The following ST3GAL4 variants were observed in gnomAD, a reference collection of about 807,000 sequenced individuals.
The protein encoded by ST3GAL4 is ST3 beta-galactoside alpha-2,3-sialyltransferase 4.
In ST3GAL4, 24 loss-of-function variants were observed where a neutral mutation model predicts 42.6. The observed-to-expected ratio is 0.56, with a 90% CI of 0.41 to 0.79. The LOEUF is 0.79. ST3GAL4 is among the 30% of genes least tolerant of loss of function. The pLI, the probability that ST3GAL4 is intolerant of heterozygous loss-of-function variation, is 0.00. For synonymous variants in ST3GAL4, 135 were observed against 163.2 expected, an observed-to-expected ratio of 0.83 and a Z score of 1.32; for missense variants, 311 against 430.8, an observed-to-expected ratio of 0.72 and a Z score of 2.46.
At chr11:126,407,463 G>C (rs1954291580) in intron 5 of ST3GAL4, 111 bp from the exon 6 acceptor site, 1 of 1,555,272 alleles carries the variant, frequency 6.4e-7, no homozygotes, top group African/African-American at 1.4e-5. Flanking sequence ...CGGGTACCAG[G>C]GTCAGGGGAA....
chr11:126,392,483 C>CA lies in ST3GAL4; in HGVS notation c.-60-13612dup, dbSNP rs1237366030. On this transcript the variant is annotated intron_variant, in intron 1 of 10. Coordinates refer to ENST00000444328, the MANE Select transcript of ST3GAL4 (RefSeq NM_001254757.2). This position sits in a 1 kb window ranked among gnomAD's most constrained non-coding sequence, Gnocchi z 5.8. ...TTGGCAGAAAGTGCGCTGGCTCTGCCAGCTCCCAGTGTGAGCTTCTAGCAA... is the reference window on the plus strand; with the variant it reads ...TTGGCAGAAAGTGCGCTGGCTCTGCCAAGCTCCCAGTGTGAGCTTCTAGCAA... 1 of 543,624 alleles carries CA rather than the reference C, an allele frequency of 1.8e-6. No individual in the cohort carries two copies. The highest frequency in any genetic ancestry group is 2.3e-6 in the Non-Finnish European group (1 of 426,168). The allele number at this position is 543,624 out of a possible 1,614,324, so 33.7% of individuals were successfully genotyped here.
rs781738277 is a variant in ST3GAL4, at chr11:126,406,196, C to A, written c.16+25C>A. The A allele has an allele frequency of 1.6e-5, 25 of 1,556,780 alleles. No homozygotes were observed. In the East Asian group the frequency reaches 4.4e-4, roughly 27 times the overall value. On this transcript the variant is annotated intron_variant, in intron 2 of 10. Coordinates refer to ENST00000444328, the MANE Select transcript of ST3GAL4 (RefSeq NM_001254757.2). The surrounding 1 kb of genome is among the most constrained non-coding windows in gnomAD (Gnocchi z 5.4). ...CGTGAGTGTCATCCGAGGGCTCCCC[C>A]ACCCTGGAGGACAGGCCTCAGAAGC...
At chr11:126,395,040 C>T (rs953891593) in intron 1 of ST3GAL4, among the ~76,000 whole-genome samples, 15 of 151,990 alleles carry the variant, frequency 9.9e-5, no homozygotes, top group Admixed American at 3.3e-4. Flanking sequence ...GAAGCCTCCC[C>T]GTGCCCAGGC....
chr11:126,407,602 C>T lies in ST3GAL4; in HGVS notation c.309C>T (p.Ile103=). The T allele has an allele frequency of 6.2e-7, 1 of 1,614,192 alleles. No individual in the cohort carries two copies. The highest frequency in any genetic ancestry group is 8.5e-7 in the Non-Finnish European group (1 of 1,180,032). ...SEDLLLRVLA[I]TSSSIPKNIQ... Reference sequence around the variant, plus strand: ...ATCTGCTCCTCCGGGTGCTAGCCATCACCAGCTCCTCCATCCCCAAGAACA... The same window carrying T: ...ATCTGCTCCTCCGGGTGCTAGCCATTACCAGCTCCTCCATCCCCAAGAACA... Residue 103 remains isoleucine, a synonymous_variant, in exon 6 of 11, where the codon ATC becomes ATT. Transcript: ENST00000444328.
rs189958856 is a variant in ST3GAL4, at chr11:126,379,482, T to G, written c.-61+23640T>G. On this transcript the variant is annotated intron_variant, in intron 1 of 10. Coordinates refer to ENST00000444328, the MANE Select transcript of ST3GAL4 (RefSeq NM_001254757.2). This position sits in a 1 kb window ranked among gnomAD's most constrained non-coding sequence, Gnocchi z 4.2. ...ATCCTTAATTTTGTTTTTATATTATTATTATTATTATTGAGACGGAGTTTC... is the reference window on the plus strand; with the variant it reads ...ATCCTTAATTTTGTTTTTATATTATGATTATTATTATTGAGACGGAGTTTC... Among the ~76,000 whole-genome samples, 1 of 152,130 alleles carries G rather than the reference T, an allele frequency of 6.6e-6. No homozygotes were observed. The highest frequency in any genetic ancestry group is 1.5e-5 in the Non-Finnish European group (1 of 68,028).
chr11:126,394,264 A>G (rs1469486236), intron 1 of ST3GAL4, among the ~76,000 whole-genome samples: 1 of 152,082 alleles, frequency 6.6e-6, no homozygotes, highest in Non-Finnish European at 1.5e-5. Context: ...GGAGCCCCTG[A>G]CCAGGACCTG....
rs10893503 is a variant in ST3GAL4, at chr11:126,393,020, A to G, written c.-60-13076A>G. ...CAGGGGGACGATCATAGCTTACTGC[A>G]GCCTCGATCTCCTGGACTCAGGGGG... On this transcript the variant is annotated intron_variant, in intron 1 of 10. Coordinates refer to ENST00000444328, the MANE Select transcript of ST3GAL4 (RefSeq NM_001254757.2). The surrounding 1 kb of genome is among the most constrained non-coding windows in gnomAD (Gnocchi z 5.9). Among the ~76,000 whole-genome samples, 81,341 of 148,676 alleles carry G rather than the reference A, an allele frequency of 0.55. 22,629 individuals are homozygous for G. The highest frequency in any genetic ancestry group is 0.67 in the African/African-American group (26,791 of 40,198).
chr11:126,401,787 A>T (rs1954006985), intron 1 of ST3GAL4, among the ~76,000 whole-genome samples: 1 of 152,130 alleles, frequency 6.6e-6, no homozygotes, highest in South Asian at 2.1e-4. Flanking sequence ...GAGCAATTTC[A>T]GAATAAAAAC....
intron 1 of ST3GAL4, among the ~76,000 whole-genome samples, chr11:126,371,163 C>CTTATTTTTTTT (rs1555082244): frequency 1.7e-5 from 1 of 59,964 alleles, no homozygotes; most frequent in Non-Finnish European, 3.0e-5. Flanking sequence ...CCCCACATTC[C>CTTATTTTTTTT]TTTTTTTTTT....
chr11:126,385,659 G>T (rs999635522), intron 1 of ST3GAL4, among the ~76,000 whole-genome samples: 31 of 152,124 alleles, frequency 2.0e-4, no homozygotes, highest in African/African-American at 6.0e-4. Flanking sequence ...CCATCAATTT[G>T]TTGAAAACTT....
Position 126,378,629 on chromosome 11 carries a change from G to A in ST3GAL4, c.-61+22787G>A, listed in dbSNP as rs1482333508. Among the ~76,000 whole-genome samples, 1 of 152,100 alleles carries A rather than the reference G, an allele frequency of 6.6e-6. No homozygotes were observed. Among genetic ancestry groups the A allele is most frequent in the Non-Finnish European group, 1.5e-5 (1 of 68,014 alleles). ...TCACCGTGTTAGCCAGGATGGTCTC[G>A]ATCTCCTGACCTCGTGATCCACCCT... On this transcript the variant is annotated intron_variant, in intron 1 of 10. Transcript: ENST00000444328. The surrounding 1 kb of genome is among the most constrained non-coding windows in gnomAD (Gnocchi z 5.3).
Position 126,376,476 on chromosome 11 carries a change from T to C in ST3GAL4, c.-61+20634T>C, listed in dbSNP as rs1465198498. 6.6e-6 allele frequency among the ~76,000 whole-genome samples: 1 copy of C among 152,256 alleles called. No individual in the cohort carries two copies. On this transcript the variant is annotated intron_variant, in intron 1 of 10. Coordinates refer to ENST00000444328, the MANE Select transcript of ST3GAL4 (RefSeq NM_001254757.2). The surrounding 1 kb of genome is among the most constrained non-coding windows in gnomAD (Gnocchi z 5.1). ...ACAAAATTGCTTTGTTTGGTTTACC[T>C]TGTTGGAAGTTTCCTAGTCACATAA...
intron 1 of ST3GAL4, 98 bp from the exon 2 acceptor site, chr11:126,405,998 G>T: frequency 1.4e-6 from 2 of 1,411,824 alleles, no homozygotes; most frequent in South Asian, 1.3e-5. Flanking sequence ...CCTGCTTTCT[G>T]GTGGAAGGGA....
chr11:126,404,243 T>A (rs1954133151), intron 1 of ST3GAL4, among the ~76,000 whole-genome samples: 6 of 152,200 alleles, frequency 3.9e-5, no homozygotes, highest in Admixed American at 3.3e-4. Context: ...GGGATGCCCA[T>A]GGGACTGATC....
chr11:126,368,907 C>T (rs532511020), intron 1 of ST3GAL4, among the ~76,000 whole-genome samples: 36 of 152,204 alleles, frequency 2.4e-4, no homozygotes, highest in Admixed American at 1.6e-3. Flanking sequence ...AAATTAGGAA[C>T]GGTAACACAC....
At position 126,383,896 on chromosome 11, in the gene ST3GAL4, C is replaced by A. The variant is rs1378453954; in HGVS notation, c.-60-22200C>A. Among the ~76,000 whole-genome samples, 2 of 152,152 alleles carry A rather than the reference C, an allele frequency of 1.3e-5. No individual in the cohort carries two copies. The highest frequency in any genetic ancestry group is 4.8e-5 in the African/African-American group (2 of 41,438). On this transcript the variant is annotated intron_variant, in intron 1 of 10. Coordinates refer to ENST00000444328, the MANE Select transcript of ST3GAL4 (RefSeq NM_001254757.2). This position sits in a 1 kb window ranked among gnomAD's most constrained non-coding sequence, Gnocchi z 4.5. ...GAGGGGGTGGGCTTCCTGCGGGGGACAAACTGGAGAGGGACTCTCTTGCCG... is the reference window on the plus strand; with the variant it reads ...GAGGGGGTGGGCTTCCTGCGGGGGAAAAACTGGAGAGGGACTCTCTTGCCG...
At chr11:126,364,041 G>A (rs1952344078) in intron 1 of ST3GAL4, among the ~76,000 whole-genome samples, 3 of 152,254 alleles carry the variant, frequency 2.0e-5, no homozygotes, top group Admixed American at 1.3e-4. Flanking sequence ...CAGCTGCCTG[G>A]CGGCCCTGGG....
Position 126,386,209 on chromosome 11 carries a change from T to A in ST3GAL4, c.-60-19887T>A, listed in dbSNP as rs1443838348. 6.6e-6 allele frequency among the ~76,000 whole-genome samples: 1 copy of A among 152,184 alleles called. No individual in the cohort carries two copies. The highest frequency in any genetic ancestry group is 2.4e-5 in the African/African-American group (1 of 41,454). On this transcript the variant is annotated intron_variant, in intron 1 of 10. Coordinates refer to ENST00000444328, the MANE Select transcript of ST3GAL4 (RefSeq NM_001254757.2). This position sits in a 1 kb window ranked among gnomAD's most constrained non-coding sequence, Gnocchi z 4.7. ...GCTGGTGGCCCTCACTCTCTGCCCC[T>A]GTGCCCTGTGTTAGTGGTCCTGTGG...
chr11:126,404,968 A>G (rs1034748832), intron 1 of ST3GAL4, among the ~76,000 whole-genome samples: 1 of 152,244 alleles, frequency 6.6e-6, no homozygotes, highest in African/African-American at 2.4e-5. Flanking sequence ...GAAAACATGG[A>G]AAGTTTCCAC....
Sources: allele counts gnomAD v4.1 joint callset (sites outside exome capture counted in the v4.1 genomes callset), GRCh38; gene constraint gnomAD v4.1.1; non-coding constraint Gnocchi (gnomAD v3.1); transcripts MANE v1.5; gene names NCBI Gene and HGNC (gene_info 2026-07-23, HGNC 2026-07-21).